Variants in ATRNL1 observed in about 807,000 individuals in gnomAD.
ATRNL1 encodes attractin like 1.
ATRNL1 carries 95 observed loss-of-function variants against 182.7 expected under a neutral mutation model. That is an observed-to-expected ratio of 0.52 (90% CI 0.44 to 0.62). The LOEUF (loss-of-function observed/expected upper bound fraction) is 0.62. Ranked by LOEUF, ATRNL1 falls within the 20% of genes least tolerant of loss-of-function variation. ATRNL1 has a pLI of 0.00. For synonymous variants in ATRNL1, 576 were observed against 568.3 expected (o/e 1.01, Z -0.19); for missense variants, 1,471 against 1,679.5 (o/e 0.88, Z 2.17).
intron 13 of ATRNL1, among the ~76,000 whole-genome samples, chr10:115,280,417 A>G (rs1333978487): frequency 6.6e-6 from 1 of 152,212 alleles, no homozygotes; most frequent in Non-Finnish European, 1.5e-5. Context: ...GAAAAGGACC[A>G]TGGTTTCATG....
intron 8 of ATRNL1, among the ~76,000 whole-genome samples, chr10:115,173,710 T>C (rs943919074): frequency 2.6e-5 from 4 of 151,926 alleles, no homozygotes; most frequent in African/African-American, 9.7e-5. Flanking sequence ...AAGTGGTTTG[T>C]TTAATGTTTT....
At chr10:115,934,679 C>T (rs1254722860) in intron 28 of ATRNL1, among the ~76,000 whole-genome samples, 1 of 152,068 alleles carries the variant, frequency 6.6e-6, no homozygotes, top group African/African-American at 2.4e-5. Context: ...GTAGCCTCAC[C>T]CCCTACTCCA....
At chr10:115,111,175 A>T (rs1211068248) in intron 1 of ATRNL1, among the ~76,000 whole-genome samples, 3 of 152,206 alleles carry the variant, frequency 2.0e-5, no homozygotes, top group Non-Finnish European at 2.9e-5. Context: ...GAAAATAATG[A>T]TTACCATGTG....
At chr10:115,219,192 A>T (rs1171361798) in intron 9 of ATRNL1, among the ~76,000 whole-genome samples, 1 of 150,224 alleles carries the variant, frequency 6.7e-6, no homozygotes, top group East Asian at 1.9e-4. Context: ...AGATCGCGCC[A>T]CTGCACTCCA....
intron 5 of ATRNL1, among the ~76,000 whole-genome samples, chr10:115,144,099 C>T (rs1554878741): frequency 6.6e-6 from 1 of 151,490 alleles, no homozygotes; most frequent in East Asian, 1.9e-4. Flanking sequence ...CCTGCCTCAG[C>T]CTCCCAAGTA....
intron 5 of ATRNL1, among the ~76,000 whole-genome samples, chr10:115,138,744 G>A (rs1554877297): frequency 6.6e-6 from 1 of 152,164 alleles, no homozygotes; most frequent in Non-Finnish European, 1.5e-5. Flanking sequence ...GACCACTGAC[G>A]TGCCCTGGAG....
intron 26 of ATRNL1, among the ~76,000 whole-genome samples, chr10:115,552,863 A>G (rs1853079982): frequency 6.6e-6 from 1 of 151,408 alleles, no homozygotes; most frequent in Admixed American, 6.6e-5. Flanking sequence ...AATGGAAACA[A>G]TAAGTGTATA....
intron 28 of ATRNL1, among the ~76,000 whole-genome samples, chr10:115,888,722 C>A (rs1012157399): frequency 6.6e-6 from 1 of 152,176 alleles, no homozygotes; most frequent in Non-Finnish European, 1.5e-5. Context: ...TTCACCCATA[C>A]CCAGTTCAGC....
intron 26 of ATRNL1, among the ~76,000 whole-genome samples, chr10:115,661,445 TA>T (rs1565260840): frequency 6.6e-6 from 1 of 152,178 alleles, no homozygotes; most frequent in Non-Finnish European, 1.5e-5. Context: ...TTAAATTTAA[TA>T]AAATTCAAAT....
rs1004540265 is a variant in ATRNL1 at position 115,732,316 on chromosome 10, A to G, written c.3903+4961A>G. On this transcript the variant is annotated intron_variant, in intron 27 of 28. Transcript: ENST00000355044. ...ATGAGGATTTATTTCTGGAATCTCA[A>G]TATTATTCTACCAATCTATTTATCT... is the stretch of plus-strand genomic sequence containing the variant. Among the ~76,000 whole-genome samples the G allele has an allele frequency of 6.6e-5, 10 of 152,270 alleles. No individual in the cohort carries two copies. The East Asian group carries it at 1.5e-3, about 24-fold the overall frequency.
chr10:115,728,748 A>AT (rs1947695062), intron 27 of ATRNL1, among the ~76,000 whole-genome samples: 1 of 152,050 alleles, frequency 6.6e-6, no homozygotes, highest in South Asian at 2.1e-4. Flanking sequence ...TGTGTACTTG[A>AT]TTTTTTACTA....
intron 19 of ATRNL1, among the ~76,000 whole-genome samples, chr10:115,345,298 C>G (rs1855926110): frequency 6.6e-6 from 1 of 152,160 alleles, no homozygotes; most frequent in Non-Finnish European, 1.5e-5. Context: ...TGGCGATTTT[C>G]CTTTGTCTAG....
chr10:115,718,125 C>A (rs550940337), intron 26 of ATRNL1, among the ~76,000 whole-genome samples: 17 of 152,210 alleles, frequency 1.1e-4, no homozygotes, highest in African/African-American at 4.1e-4. Flanking sequence ...GTTACCTAGA[C>A]CAGAGGATTT....
intron 28 of ATRNL1, among the ~76,000 whole-genome samples, chr10:115,927,596 G>T (rs1555120627): frequency 6.6e-6 from 1 of 151,988 alleles, no homozygotes; most frequent in African/African-American, 2.4e-5. Flanking sequence ...AAAGTTTGAA[G>T]CTTAATAAAT....
chr10:115,098,461 T>TA (rs2143392401), intron 1 of ATRNL1, among the ~76,000 whole-genome samples: 1 of 77,410 alleles, frequency 1.3e-5, no homozygotes, highest in Admixed American at 1.1e-4. Flanking sequence ...TTCTTTTTTT[T>TA]TTTTTTTTTT....
intron 8 of ATRNL1, among the ~76,000 whole-genome samples, chr10:115,182,631 C>T (rs1847791387): frequency 6.6e-6 from 1 of 151,264 alleles, no homozygotes; most frequent in African/African-American, 2.4e-5. Context: ...CATATTGATG[C>T]AGAAACGATG....
chr10:115,677,149 C>T (rs1478323743), intron 26 of ATRNL1, among the ~76,000 whole-genome samples: 16 of 151,966 alleles, frequency 1.1e-4, no homozygotes, highest in Admixed American at 7.2e-4. Context: ...GAAAACAAGT[C>T]GATAGAGGGC....
chr10:115,704,672 G>A (rs1946842403), intron 26 of ATRNL1, among the ~76,000 whole-genome samples: 1 of 151,496 alleles, frequency 6.6e-6, no homozygotes, highest in Non-Finnish European at 1.5e-5. Flanking sequence ...ACCTAGGTTC[G>A]CCATCCCTAT....
At chr10:115,697,041 G>A (rs1297588914) in intron 26 of ATRNL1, among the ~76,000 whole-genome samples, 1 of 151,964 alleles carries the variant, frequency 6.6e-6, no homozygotes, top group Non-Finnish European at 1.5e-5. Flanking sequence ...TGACATGTGG[G>A]GATTACAATT....
Sources: gnomAD v4.1 joint callset for allele counts (sites outside exome capture counted in the v4.1 genomes callset) on GRCh38, gnomAD v4.1.1 for gene constraint, MANE v1.5 for transcripts, NCBI Gene and HGNC (gene_info 2026-07-23, HGNC 2026-07-21) for gene names.